NUDCD3: variants seen among roughly 807,000 people sequenced by gnomAD.
NUDCD3 encodes the protein NudC domain containing 3, also known as nudC domain-containing protein 3.
Under a neutral mutation model 39.7 loss-of-function variants are expected in NUDCD3, and 13 were observed. The observed-to-expected ratio is 0.33, with a 90% CI of 0.21 to 0.52. The LOEUF (loss-of-function observed/expected upper bound fraction) is 0.52. Among genes scored for constraint, NUDCD3 ranks in the 20% least tolerant of loss-of-function variants. NUDCD3 has a pLI of 0.96. For synonymous variants in NUDCD3, 175 were observed against 172.4 expected, an observed-to-expected ratio of 1.02 and a Z score of -0.12; for missense variants, 453 against 458.1, an observed-to-expected ratio of 0.99 and a Z score of 0.10.
chr7:44,490,289 T>G, intron 1 of NUDCD3, 120 bp downstream of exon 1: 1 of 994,130 alleles, frequency 1.0e-6, no homozygotes, highest in Non-Finnish European at 1.4e-6. Flanking sequence ...TCTCACAAGC[T>G]CAACCCCAGG....
intron 2 of NUDCD3, among the ~76,000 whole-genome samples, chr7:44,431,156 C>A (rs913925021): frequency 6.6e-6 from 1 of 152,180 alleles, no homozygotes; most frequent in Non-Finnish European, 1.5e-5. Context: ...GTGTCTCTGG[C>A]CCCCACTGTG....
chr7:44,485,419 G>C, intron 1 of NUDCD3, 135 bp from the exon 2 acceptor site: 1 of 682,430 alleles, frequency 1.5e-6, no homozygotes, highest in African/African-American at 1.8e-5. Context: ...TGGCAAAATG[G>C]AAATGCACTG....
intron 2 of NUDCD3, among the ~76,000 whole-genome samples, chr7:44,430,844 G>A (rs1799350873): frequency 6.6e-6 from 1 of 152,050 alleles, no homozygotes; most frequent in African/African-American, 2.4e-5. Flanking sequence ...TTCGAGTGAG[G>A]GGGGACATCT....
rs186610775 is a variant in NUDCD3, at chr7:44,410,785, G to T, written c.643-6202C>A. On this transcript the variant is annotated intron_variant, in intron 3 of 5. Transcript: ENST00000355451. ...AGATCGACATTATCCTGGCCAACAG[G>T]GGGTAACCATATTTCTACTAAAAAT... 9.9e-5 allele frequency among the ~76,000 whole-genome samples: 15 copies of T among 152,172 alleles called. 1 individual carries two copies. In the South Asian group the frequency reaches 2.7e-3, roughly 27 times the overall value.
intron 5 of NUDCD3, among the ~76,000 whole-genome samples, chr7:44,389,456 A>G (rs1269456724): frequency 1.3e-5 from 2 of 152,210 alleles, no homozygotes; most frequent in East Asian, 3.9e-4. Context: ...AGGCGGGCGG[A>G]TCACGAGGTC....
Position 44,385,922 on chromosome 7 carries a change from C to A in NUDCD3, c.*89G>T. 1 of 737,996 alleles carries A rather than the reference C, an allele frequency of 1.4e-6. No individual in the cohort carries two copies. The highest frequency in any genetic ancestry group is 2.5e-6 in the Non-Finnish European group (1 of 402,774). The allele number at this position is 737,996 out of a possible 1,614,324, so 45.7% of individuals were successfully genotyped here. On this transcript the variant is annotated 3_prime_UTR_variant, in exon 6 of 6. Coordinates refer to ENST00000355451, the MANE Select transcript of NUDCD3 (RefSeq NM_015332.4). The stretch of plus-strand genomic sequence containing the variant: ...GATGGCTAGGGGTAAACAAGACGAG[C>A]AAGTCCCTGGAATGCAGGGAGCCAA...
chr7:44,468,187 C>T (rs780005366), intron 2 of NUDCD3: 8 of 1,601,106 alleles, frequency 5.0e-6, no homozygotes, highest in South Asian at 1.1e-5. Flanking sequence ...CTTACTGTGC[C>T]GAGATCGCTC....
chr7:44,479,440 A>G (rs1375987199), intron 2 of NUDCD3, among the ~76,000 whole-genome samples: 1 of 152,232 alleles, frequency 6.6e-6, no homozygotes, highest in Non-Finnish European at 1.5e-5. Context: ...GTTCGAGTTC[A>G]GCCTGAAAAA....
rs1799854320 is a variant in NUDCD3 at position 44,454,413 on chromosome 7, TGGTCTACC to T, written c.510-26718_510-26711del. Among the ~76,000 whole-genome samples, 7 of 152,356 alleles carry T rather than the reference TGGTCTACC, an allele frequency of 4.6e-5. No homozygotes were observed. In the South Asian group the frequency reaches 1.4e-3, roughly 32 times the overall value. On this transcript the variant is annotated intron_variant, in intron 2 of 5. Coordinates refer to ENST00000355451, the MANE Select transcript of NUDCD3 (RefSeq NM_015332.4). ...AGAGCACAAGAATAGAATGATCTCC[TGGTCTACC>T]TTCCTACCAGTATCAAGTTTGGTCA...
chr7:44,385,506 C>T lies in NUDCD3; in HGVS notation c.*505G>A, dbSNP rs559975560. Reference sequence around the variant, plus strand: ...AATGCTCTCAAAAGAGGTCAAGGGGCAAGGAGTTTCCCAGAGCAGCCTCAG... The same window carrying T: ...AATGCTCTCAAAAGAGGTCAAGGGGTAAGGAGTTTCCCAGAGCAGCCTCAG... On this transcript the variant is annotated 3_prime_UTR_variant, in exon 6 of 6. Transcript: ENST00000355451. The T allele has an allele frequency of 4.8e-4, 75 of 156,456 alleles. No individual in the cohort carries two copies. The highest frequency in any genetic ancestry group is 9.0e-4 in the Non-Finnish European group (64 of 70,990). 9.7% of individuals were successfully genotyped at this position (156,456 alleles called of 1,614,324 possible). A position where few individuals can be genotyped will look rare whatever the true frequency, so the allele number is the denominator to read the frequency against.
At chr7:44,487,732 C>A (rs1415270352) in intron 1 of NUDCD3, among the ~76,000 whole-genome samples, 1 of 150,840 alleles carries the variant, frequency 6.6e-6, no homozygotes, top group Non-Finnish European at 1.5e-5. Context: ...CGGGTGATCA[C>A]CTGAGGTCAG....
chr7:44,391,114 A>C (rs1334922363), intron 5 of NUDCD3, among the ~76,000 whole-genome samples: 2 of 152,238 alleles, frequency 1.3e-5, no homozygotes, highest in Admixed American at 1.3e-4. Flanking sequence ...ACTGAGTCAC[A>C]ACCTCAGAAA....
At chr7:44,389,589 G>A (rs1357498353) in intron 5 of NUDCD3, among the ~76,000 whole-genome samples, 1 of 152,220 alleles carries the variant, frequency 6.6e-6, no homozygotes, top group African/African-American at 2.4e-5. Flanking sequence ...GCTTCCTGGG[G>A]AGGATTATCA....
chr7:44,439,631 G>A (rs1799538279), intron 2 of NUDCD3, among the ~76,000 whole-genome samples: 1 of 151,012 alleles, frequency 6.6e-6, no homozygotes, highest in African/African-American at 2.4e-5. Flanking sequence ...GGGGTAGGGG[G>A]ATGCAAAGAT....
intron 2 of NUDCD3, among the ~76,000 whole-genome samples, chr7:44,440,325 T>C (rs191076917): frequency 7.8e-4 from 119 of 152,242 alleles, no homozygotes; most frequent in African/African-American, 2.7e-3. Context: ...GGGAACATTC[T>C]ACAACATACC....
intron 2 of NUDCD3, among the ~76,000 whole-genome samples, chr7:44,449,853 A>T (rs917200348): frequency 7.6e-5 from 7 of 91,950 alleles, no homozygotes; most frequent in African/African-American, 2.0e-4. Context: ...CATGATCCAT[A>T]AAAAAAAAAA....
At chr7:44,452,030 C>T (rs1799802667) in intron 2 of NUDCD3, among the ~76,000 whole-genome samples, 1 of 152,286 alleles carries the variant, frequency 6.6e-6, no homozygotes, top group Middle Eastern at 3.4e-3. Context: ...AAAATGTCCT[C>T]CCTGTGCTAC....
At chr7:44,437,807 G>C (rs1372865804) in intron 2 of NUDCD3, among the ~76,000 whole-genome samples, 1 of 152,182 alleles carries the variant, frequency 6.6e-6, no homozygotes, top group Non-Finnish European at 1.5e-5. Context: ...TACTCTGATA[G>C]ATTTAAATGC....
chr7:44,445,589 T>A (rs1474805651), intron 2 of NUDCD3, among the ~76,000 whole-genome samples: 1 of 152,216 alleles, frequency 6.6e-6, no homozygotes, highest in African/African-American at 2.4e-5. Context: ...GTTTTTGGTC[T>A]TTTTCCTGTT....
Sources: gnomAD v4.1 joint callset for allele counts (sites outside exome capture counted in the v4.1 genomes callset) on GRCh38, gnomAD v4.1.1 for gene constraint, MANE v1.5 for transcripts, NCBI Gene and HGNC (gene_info 2026-07-23, HGNC 2026-07-21) for gene names.